Variants in TENM2 observed in about 807,000 individuals in gnomAD.
The protein encoded by TENM2 is teneurin-2.
TENM2 carries 52 observed loss-of-function variants against 245.2 expected under a neutral mutation model. The observed-to-expected ratio is 0.21, with a 90% CI of 0.17 to 0.27. TENM2 has a LOEUF of 0.27. TENM2 is among the 10% of genes least tolerant of loss of function. The pLI is 1.00. For synonymous variants in TENM2, 1,363 were observed against 1,438.9 expected, an observed-to-expected ratio of 0.95 and a Z score of 1.19; for missense variants, 3,046 against 3,666.8, an observed-to-expected ratio of 0.83 and a Z score of 4.37.
chr5:167,710,880 C>T (rs1336788343), intron 2 of TENM2, among the ~76,000 whole-genome samples: 1 of 152,070 alleles, frequency 6.6e-6, no homozygotes, highest in Non-Finnish European at 1.5e-5. Context: ...GTAGTTACTG[C>T]GGTAATCTAG....
chr5:167,404,978 C>G (rs6863935), intron 2 of TENM2, among the ~76,000 whole-genome samples: 5 of 151,966 alleles, frequency 3.3e-5, no homozygotes, highest in East Asian at 1.9e-4. Context: ...ATCCATCAAT[C>G]TACTTTGTGA....
chr5:167,731,885 A>T (rs1258942412), intron 2 of TENM2, among the ~76,000 whole-genome samples: 1 of 152,080 alleles, frequency 6.6e-6, no homozygotes, highest in Non-Finnish European at 1.5e-5. Context: ...AAATGAATAG[A>T]TGATAGTATT....
intron 19 of TENM2, among the ~76,000 whole-genome samples, chr5:168,208,217 C>G (rs942812438): frequency 6.6e-6 from 1 of 152,206 alleles, no homozygotes; most frequent in Non-Finnish European, 1.5e-5. Flanking sequence ...CTTTTCTTAG[C>G]TTAGCTCCTT....
At position 167,311,812 on chromosome 5, in the gene TENM2, A is replaced by T. The variant is rs894476603; in HGVS notation, c.226+26749A>T. Among the ~76,000 whole-genome samples the T allele has an allele frequency of 3.9e-5, 6 of 152,234 alleles. No homozygotes were observed. The East Asian group carries it at 9.6e-4, about 24-fold the overall frequency. ...AAGACAAAATTTAAATTTTACTTAC[A>T]AATCATATTCTAAATTTTTCAGCCA... On this transcript the variant is annotated intron_variant, in intron 1 of 28. Transcript: ENST00000518659.
exon 29 of TENM2, chr5:168,262,919 T>A: frequency 9.4e-7 from 1 of 1,063,364 alleles, no homozygotes; most frequent in Non-Finnish European, 1.3e-6. Flanking sequence ...TGGGCTGCTT[T>A]AGGAGACCAA....
the TENM2 span, among the ~76,000 whole-genome samples, chr5:167,086,790 C>T: frequency 6.6e-6 from 1 of 152,138 alleles, no homozygotes; most frequent in Non-Finnish European, 1.5e-5. Flanking sequence ...AGATGAGACA[C>T]TAAAAAATAA....
chr5:167,631,689 A>G (rs1172711617), intron 2 of TENM2, among the ~76,000 whole-genome samples: 1 of 152,068 alleles, frequency 6.6e-6, no homozygotes, highest in African/African-American at 2.4e-5. Context: ...GCATGCTCTC[A>G]CTAGACCTCA....
chr5:168,246,629 TG>T, intron 26 of TENM2, 127 bp from the exon 29 acceptor site: 1 of 939,836 alleles, frequency 1.1e-6, no homozygotes, highest in Non-Finnish European at 1.6e-6. Context: ...CTGTTTAATC[TG>T]GTCTAAGCTT....
At chr5:167,440,554 G>A (rs1402395992) in intron 2 of TENM2, among the ~76,000 whole-genome samples, 4 of 152,126 alleles carry the variant, frequency 2.6e-5, no homozygotes, top group African/African-American at 4.8e-5. Flanking sequence ...AATAACTAGA[G>A]CATGAAAACA....
At chr5:167,666,198 TTAACA>T (rs949082513) in intron 2 of TENM2, among the ~76,000 whole-genome samples, 1 of 152,202 alleles carries the variant, frequency 6.6e-6, no homozygotes, top group Non-Finnish European at 1.5e-5. Context: ...AGGCACACAC[TTAACA>T]TTTTTCCCCA....
rs559086950 is a variant in TENM2 at position 168,253,616 on chromosome 5, G to A, written c.7432+5245G>A. Among the ~76,000 whole-genome samples, 189 of 151,732 alleles carry A rather than the reference G, an allele frequency of 1.2e-3. 1 individual carries two copies. The highest frequency in any genetic ancestry group is 2.5e-3 in the Admixed American group (38 of 15,230). Reference sequence around the variant, plus strand: ...AATTGTTTGTATTTTTAGTAGAGACGGGGTTTCACCGTGTTAGCCAGGATG... The same window carrying A: ...AATTGTTTGTATTTTTAGTAGAGACAGGGTTTCACCGTGTTAGCCAGGATG... On this transcript the variant is annotated intron_variant, in intron 27 of 28. Coordinates refer to ENST00000518659, the Ensembl canonical transcript of TENM2.
the TENM2 span, among the ~76,000 whole-genome samples, chr5:167,081,232 T>A: frequency 3.9e-5 from 6 of 151,990 alleles, no homozygotes; most frequent in Non-Finnish European, 5.9e-5. Context: ...TGATATTTTT[T>A]CACTTGGTAT....
chr5:167,549,466 T>C (rs767162652), intron 2 of TENM2, among the ~76,000 whole-genome samples: 32 of 152,230 alleles, frequency 2.1e-4, no homozygotes, highest in African/African-American at 7.5e-4. Context: ...TCAGCTGTTA[T>C]GCAGTTATAT....
intron 2 of TENM2, among the ~76,000 whole-genome samples, chr5:167,523,778 T>A (rs1227663437): frequency 6.6e-6 from 1 of 152,178 alleles, no homozygotes; most frequent in East Asian, 1.9e-4. Flanking sequence ...CTTGCCGCTT[T>A]CAGAAAATAT....
chr5:167,374,015 T>A (rs913865173), intron 1 of TENM2, among the ~76,000 whole-genome samples: 1 of 152,180 alleles, frequency 6.6e-6, no homozygotes, highest in African/African-American at 2.4e-5. Context: ...TGAGGCCAAC[T>A]TGTGGCTTTA....
At chr5:167,872,537 AAAGAAAGAAAG>A (rs1773038071) in intron 2 of TENM2, among the ~76,000 whole-genome samples, 1 of 50,910 alleles carries the variant, frequency 2.0e-5, no homozygotes, top group African/African-American at 5.7e-5. Context: ...AGAAAGAAAG[AAAGAAAGAAAG>A]AGAAAGAAAG....
intron 1 of TENM2, chr5:167,287,952 A>G (rs1375394665): frequency 1.3e-5 from 2 of 152,240 alleles, no homozygotes; most frequent in Non-Finnish European, 2.9e-5. Context: ...AAAAGTGAGC[A>G]GTGGTCTGAT....
chr5:168,198,382 G>A (rs1761644197), intron 15 of TENM2, among the ~76,000 whole-genome samples: 1 of 151,958 alleles, frequency 6.6e-6, no homozygotes, highest in Non-Finnish European at 1.5e-5. Context: ...TTTTAGCAGA[G>A]ACAGGGTTTC....
intron 3 of TENM2, among the ~76,000 whole-genome samples, chr5:167,880,086 G>T (rs1213375558): frequency 6.6e-6 from 1 of 152,072 alleles, no homozygotes; most frequent in Non-Finnish European, 1.5e-5. Flanking sequence ...GATCCAGGCT[G>T]GAGTGGCGTG....
Sources: gnomAD v4.1 joint callset for allele counts (sites outside exome capture counted in the v4.1 genomes callset) on GRCh38, gnomAD v4.1.1 for gene constraint, MANE v1.5 for transcripts, NCBI Gene and HGNC (gene_info 2026-07-23, HGNC 2026-07-21) for gene names.